Variants in RHBDD1 observed in about 807,000 individuals in gnomAD.
RHBDD1 encodes the protein rhomboid-related protein 4.
A neutral mutation model predicts 36.3 loss-of-function variants in RHBDD1; 38 were observed. That is an observed-to-expected ratio of 1.05 (90% CI 0.81 to 1.37). The LOEUF (loss-of-function observed/expected upper bound fraction) is 1.37. Among genes scored for constraint, RHBDD1 ranks in the 40% most tolerant of loss-of-function variants. The pLI, the probability that RHBDD1 is intolerant of heterozygous loss-of-function variation, is 0.00. For synonymous variants in RHBDD1, 151 were observed against 136.5 expected (o/e 1.11, Z -0.74); for missense variants, 393 against 377.6 (o/e 1.04, Z -0.34).
At chr2:226,896,024 A>G (rs904123642) in intron 5 of RHBDD1, among the ~76,000 whole-genome samples, 1 of 152,206 alleles carries the variant, frequency 6.6e-6, no homozygotes, top group Admixed American at 6.5e-5. Flanking sequence ...GTTTTTAGAT[A>G]TGTTTATGTA....
chr2:226,912,378 T>C (rs1948582169), intron 7 of RHBDD1, among the ~76,000 whole-genome samples: 1 of 152,152 alleles, frequency 6.6e-6, no homozygotes, highest in Non-Finnish European at 1.5e-5. Flanking sequence ...AATGAAACCA[T>C]ATGTCCACCT....
chr2:226,864,623 T>TC lies in RHBDD1; in HGVS notation c.-67dup. 3 of 1,253,582 alleles carry TC rather than the reference T, an allele frequency of 2.4e-6. No individual in the cohort carries two copies. Among genetic ancestry groups the TC allele is most frequent in the Non-Finnish European group, 3.4e-6 (3 of 880,426 alleles). 77.7% of individuals were successfully genotyped at this position (1,253,582 alleles called of 1,614,324 possible). ...TTTTAGGTTCAGCCGTCTGTATATC[T>TC]CCCCAGATACCTGAAACTGACCACC... On this transcript the variant is annotated 5_prime_UTR_variant, in exon 4 of 9. The change abolishes the stop of an existing upstream ORF in the 5' untranslated region. Coordinates refer to ENST00000392062, the MANE Select transcript of RHBDD1 (RefSeq NM_001167608.3).
chr2:226,984,410 G>A (rs1478313329), intron 8 of RHBDD1, among the ~76,000 whole-genome samples: 2 of 152,172 alleles, frequency 1.3e-5, no homozygotes, highest in Non-Finnish European at 2.9e-5. Context: ...GGCAGAGAGT[G>A]CAAGCTCTGG....
chr2:226,801,636 G>T, the RHBDD1 span, among the ~76,000 whole-genome samples: 9 of 152,252 alleles, frequency 5.9e-5, no homozygotes, highest in African/African-American at 2.2e-4. Context: ...GCTTGGTGAT[G>T]TGGGCACACG....
intron 5 of RHBDD1, among the ~76,000 whole-genome samples, chr2:226,902,389 A>G (rs1313734508): frequency 1.3e-5 from 2 of 152,122 alleles, no homozygotes; most frequent in Non-Finnish European, 2.9e-5. Flanking sequence ...CTCAGGGGTA[A>G]AGTGCCCTAA....
At chr2:226,835,863 C>T (rs1055229839), upstream of RHBDD1, 1 of 152,480 alleles carries the variant, frequency 6.6e-6, no homozygotes, top group South Asian at 2.1e-4. Context: ...GGTCCTGCCC[C>T]GCTGTGCCCT....
intron 8 of RHBDD1, among the ~76,000 whole-genome samples, chr2:226,949,907 C>T (rs1951301531): frequency 6.6e-6 from 1 of 152,164 alleles, no homozygotes; most frequent in Non-Finnish European, 1.5e-5. Flanking sequence ...TTAAGGATCA[C>T]TCTAATGGCC....
At chr2:226,933,168 G>A (rs781203471) in intron 8 of RHBDD1, among the ~76,000 whole-genome samples, 3 of 152,110 alleles carry the variant, frequency 2.0e-5, no homozygotes, top group Non-Finnish European at 2.9e-5. Context: ...TTACCACCGT[G>A]TGGGGATTAT....
the RHBDD1 span, among the ~76,000 whole-genome samples, chr2:226,822,048 T>C: frequency 6.6e-6 from 1 of 152,220 alleles, no homozygotes; most frequent in East Asian, 1.9e-4. Flanking sequence ...AATCATATCC[T>C]GTGAACTTCC....
At chr2:226,898,969 A>G (rs929769626) in intron 5 of RHBDD1, among the ~76,000 whole-genome samples, 4 of 152,124 alleles carry the variant, frequency 2.6e-5, no homozygotes, top group African/African-American at 9.7e-5. Context: ...ACATTGTGAG[A>G]TTATGTCTTA....
chr2:226,929,203 A>G (rs1028598509), intron 8 of RHBDD1, among the ~76,000 whole-genome samples: 1 of 152,136 alleles, frequency 6.6e-6, no homozygotes, highest in Non-Finnish European at 1.5e-5. Flanking sequence ...ACAAAAGAAT[A>G]AAAATACAGA....
At chr2:226,991,299 G>A (rs1958132136) in intron 8 of RHBDD1, among the ~76,000 whole-genome samples, 1 of 152,182 alleles carries the variant, frequency 6.6e-6, no homozygotes, top group South Asian at 2.1e-4. Context: ...ACCTGCCTCA[G>A]CCTCCCAAGT....
At chr2:226,938,228 G>C (rs1302854710) in intron 8 of RHBDD1, among the ~76,000 whole-genome samples, 1 of 152,068 alleles carries the variant, frequency 6.6e-6, no homozygotes, top group African/African-American at 2.4e-5. Context: ...TTCACCACAT[G>C]TATGTCTTCT....
chr2:226,870,767 GTTAT>G (rs1944735127), intron 5 of RHBDD1, among the ~76,000 whole-genome samples: 1 of 152,100 alleles, frequency 6.6e-6, no homozygotes. Flanking sequence ...AAAATAAAAT[GTTAT>G]TAAGATCATC....
chr2:226,987,616 G>A (rs1260349623), intron 8 of RHBDD1, among the ~76,000 whole-genome samples: 1 of 152,242 alleles, frequency 6.6e-6, no homozygotes, highest in Non-Finnish European at 1.5e-5. Context: ...TCGAACCTCT[G>A]TGTGGGAGTC....
chr2:226,915,845 C>T (rs73992272), intron 8 of RHBDD1, among the ~76,000 whole-genome samples: 2,210 of 152,186 alleles, frequency 0.015, 63 homozygotes, highest in African/African-American at 0.051. Context: ...TAAGAATCAC[C>T]CTGAAACTCG....
rs756976604 is a variant in RHBDD1 at position 226,914,292 on chromosome 2, C to A, written c.797C>A (p.Ala266Glu). Reference protein sequence around the residue: ...EAPRNYDTYTAGLSEEEQLER... With the variant: ...EAPRNYDTYTEGLSEEEQLER... ...CCCAGGAACTATGACACGTACACAG[C>A]AGGACTGAGTGAAGAAGAACAGCTC... The change falls in exon 8 of 9, where the codon GCA becomes GAA. Residue 266 changes from alanine (A) to glutamate (E), a missense_variant. Coordinates refer to ENST00000392062, the MANE Select transcript of RHBDD1 (RefSeq NM_001167608.3). 9 of 1,613,750 alleles carry A rather than the reference C, an allele frequency of 5.6e-6. No individual in the cohort carries two copies. The highest frequency in any genetic ancestry group is 7.6e-6 in the Non-Finnish European group (9 of 1,179,814).
At chr2:226,939,562 A>G (rs1450151731) in intron 8 of RHBDD1, among the ~76,000 whole-genome samples, 2 of 152,148 alleles carry the variant, frequency 1.3e-5, no homozygotes, top group Non-Finnish European at 2.9e-5. Context: ...TAACAAGGGA[A>G]GTGAAGGACC....
chr2:226,808,866 CA>C, the RHBDD1 span, among the ~76,000 whole-genome samples: 11,634 of 136,478 alleles, frequency 0.085, 480 homozygotes, highest in Middle Eastern at 0.14. Context: ...GAAGTAGTGT[CA>C]AAAAAAAAAA....
Sources: gnomAD v4.1 joint callset for allele counts (sites outside exome capture counted in the v4.1 genomes callset) on GRCh38, gnomAD v4.1.1 for gene constraint, MANE v1.5 for transcripts, NCBI Gene and HGNC (gene_info 2026-07-23, HGNC 2026-07-21) for gene names.